Variants in CLECL1 observed in about 807,000 individuals in gnomAD.
CLECL1 encodes the protein C-type lectin like 1, also known as C-type lectin-like domain family 1.
chr12:9,719,351 C>A (rs1866280235), downstream of CLECL1, among the ~76,000 whole-genome samples: 1 of 152,074 alleles, frequency 6.6e-6, no homozygotes, highest in Admixed American at 6.6e-5. Flanking sequence ...ATGGAGAAAC[C>A]CCGTCTCTAC....
At chr12:9,727,156 A>C (rs1366647348) in intron 3 of CLECL1, among the ~76,000 whole-genome samples, 1 of 151,856 alleles carries the variant, frequency 6.6e-6, no homozygotes, top group Non-Finnish European at 1.5e-5. Flanking sequence ...ACGAGAGAGC[A>C]AAAGAAAGAC....
downstream of CLECL1, among the ~76,000 whole-genome samples, chr12:9,719,112 A>G (rs1265877669): frequency 6.6e-6 from 1 of 152,192 alleles, no homozygotes; most frequent in African/African-American, 2.4e-5. Context: ...TCCTTCTCCT[A>G]GGTCTTTAAT....
chr12:9,733,145 C>T, upstream of CLECL1: 1 of 1,614,070 alleles, frequency 6.2e-7, no homozygotes, highest in Non-Finnish European at 8.5e-7. Flanking sequence ...TCCTTCTGCT[C>T]CCCAAGTGGG....
chr12:9,722,539 C>A, downstream of CLECL1: 1 of 1,487,656 alleles, frequency 6.7e-7, no homozygotes, highest in Non-Finnish European at 8.9e-7. Context: ...TAGTTAATAA[C>A]ACATGAAGTT....
At chr12:9,705,409 A>G in the CLECL1 span, among the ~76,000 whole-genome samples, 2 of 152,192 alleles carry the variant, frequency 1.3e-5, no homozygotes, top group Non-Finnish European at 2.9e-5. Context: ...TAGTTTAATT[A>G]GATCCCATTT....
downstream of CLECL1, among the ~76,000 whole-genome samples, chr12:9,722,332 T>C (rs1866323202): frequency 6.6e-6 from 1 of 152,204 alleles, no homozygotes; most frequent in South Asian, 2.1e-4. Flanking sequence ...TTTATGAGCA[T>C]TGCAATAAAC....
At chr12:9,718,651 T>C (rs1403021714), downstream of CLECL1, 1 of 679,938 alleles carries the variant, frequency 1.5e-6, no homozygotes, top group Non-Finnish European at 2.7e-6. Context: ...AGTGAGGCCA[T>C]TGCGGTGGGC....
At chr12:9,707,304 G>A in the CLECL1 span, among the ~76,000 whole-genome samples, 5 of 152,068 alleles carry the variant, frequency 3.3e-5, no homozygotes, top group South Asian at 1.0e-3. Flanking sequence ...AAATTATGAA[G>A]GATAAAGATT....
At chr12:9,734,133 C>T (rs1866487952), upstream of CLECL1, among the ~76,000 whole-genome samples, 1 of 152,198 alleles carries the variant, frequency 6.6e-6, no homozygotes, top group Non-Finnish European at 1.5e-5. Flanking sequence ...TTTTTCAATA[C>T]CCACTCAAGT....
At chr12:9,734,053 T>C (rs1419486461), upstream of CLECL1, among the ~76,000 whole-genome samples, 1 of 152,196 alleles carries the variant, frequency 6.6e-6, no homozygotes, top group East Asian at 1.9e-4. Context: ...ATGTCAGATA[T>C]GAAAAATGGC....
chr12:9,715,910 C>A (rs961268193), exon 3 of CLECL1: 3 of 152,392 alleles, frequency 2.0e-5, no homozygotes, highest in Non-Finnish European at 2.9e-5. Flanking sequence ...TTACTCACAT[C>A]ATTGGCCTCC....
rs1362134272 is a variant in CLECL1 at position 9,716,882 on chromosome 12, A to C, written n.153-106T>G. On this transcript the variant is annotated intron_variant and non_coding_transcript_variant, in intron 2 of 2. Coordinates refer to the CLECL1 transcript ENST00000540988. ...GGACCATCCTAGAATCACTTGCTAGACTCCATCTTAGAATCACATGAGAAG... is the reference window on the plus strand; with the variant it reads ...GGACCATCCTAGAATCACTTGCTAGCCTCCATCTTAGAATCACATGAGAAG... The C allele has an allele frequency of 2.1e-5, 11 of 527,164 alleles. 1 individual carries two copies. Among genetic ancestry groups the C allele is most frequent in the Non-Finnish European group, 3.3e-5 (11 of 329,568 alleles). The allele number at this position is 527,164 out of a possible 1,614,324, so 32.7% of individuals were successfully genotyped here. A position where few individuals can be genotyped will look rare whatever the true frequency, so the allele number is the denominator to read the frequency against.
chr12:9,710,614 G>A, the CLECL1 span, among the ~76,000 whole-genome samples: 1 of 152,140 alleles, frequency 6.6e-6, no homozygotes, highest in African/African-American at 2.4e-5. Context: ...TCCTGTGCCT[G>A]CAAAAACCTG....
At chr12:9,716,858 G>T in intron 2 of CLECL1, 2 of 727,978 alleles carry the variant, frequency 2.7e-6, no homozygotes, top group South Asian at 1.6e-5. Flanking sequence ...ATTATTATGG[G>T]ACCATCCTAG....
downstream of CLECL1, among the ~76,000 whole-genome samples, chr12:9,713,435 T>G (rs536323897): frequency 1.3e-5 from 2 of 152,226 alleles, no homozygotes; most frequent in East Asian, 3.8e-4. Context: ...AACAATGCAA[T>G]CTACAAATGA....
chr12:9,718,831 T>A, downstream of CLECL1: 5 of 682,430 alleles, frequency 7.3e-6, no homozygotes, highest in Admixed American at 1.1e-4. Context: ...AACCTTGATC[T>A]TGGACTTCTA....
intron 1 of CLECL1, among the ~76,000 whole-genome samples, chr12:9,729,723 T>G (rs1866423215): frequency 6.6e-6 from 1 of 152,142 alleles, no homozygotes; most frequent in African/African-American, 2.4e-5. Flanking sequence ...AGGTAGCTCC[T>G]TAGATGGTGA....
At chr12:9,721,197 AC>A (rs1866305195), downstream of CLECL1, among the ~76,000 whole-genome samples, 2 of 148,968 alleles carry the variant, frequency 1.3e-5, no homozygotes, top group Admixed American at 1.3e-4. Context: ...ACACTTGGAT[AC>A]CCTAGATGGA....
intron 1 of CLECL1, among the ~76,000 whole-genome samples, chr12:9,730,172 G>A (rs1565483543): frequency 6.6e-6 from 1 of 152,198 alleles, no homozygotes; most frequent in Non-Finnish European, 1.5e-5. Context: ...CAAGTTCACA[G>A]TCACACAGTT....
Sources: gnomAD v4.1 joint callset for allele counts (sites outside exome capture counted in the v4.1 genomes callset) on GRCh38, gnomAD v4.1.1 for gene constraint, MANE v1.5 for transcripts, NCBI Gene and HGNC (gene_info 2026-07-23, HGNC 2026-07-21) for gene names.